The following AFAP1L1 variants were observed in gnomAD, a reference collection of about 807,000 sequenced individuals.
The protein encoded by AFAP1L1 is actin filament associated protein 1 like 1.
Under a neutral mutation model 99.8 loss-of-function variants are expected in AFAP1L1, and 77 were observed. The observed-to-expected ratio is 0.77, with a 90% CI of 0.64 to 0.93. The LOEUF is 0.93. AFAP1L1 is among the 40% of genes least tolerant of loss of function. The pLI is 0.00. For missense variants in AFAP1L1, 893 were observed against 996.8 expected (o/e 0.90, Z 1.40); for synonymous variants, 373 against 395.3 (o/e 0.94, Z 0.67).
At chr5:149,306,523 T>A in intron 6 of AFAP1L1, 119 bp downstream of exon 6, 3 of 896,854 alleles carry the variant, frequency 3.3e-6, no homozygotes, top group East Asian at 5.5e-5. Flanking sequence ...CCATGGTCAC[T>A]AGAGAGGCCC....
At chr5:149,304,492 TC>T (rs1175134862) in intron 5 of AFAP1L1, among the ~76,000 whole-genome samples, 1 of 151,956 alleles carries the variant, frequency 6.6e-6, no homozygotes, top group East Asian at 1.9e-4. Flanking sequence ...TTCCTTCACC[TC>T]CCCAGGGAAC....
chr5:149,332,760 G>A lies in AFAP1L1; in HGVS notation c.2041G>A (p.Glu681Lys). The change falls in exon 17 of 19, where the codon GAG (glutamate) becomes AAG (lysine). Residue 681 changes from glutamate (E) to lysine (K), a missense_variant. By Grantham distance (56) the Glu-to-Lys change is moderately conservative. Transcript: ENST00000296721. ...GGAAGCTCAGTGTCGGGCAAAGGAG[G>A]AGCGCCGGATTGACCTGGAGCTGAA... Reference protein sequence around the residue: ...TLEAQCRAKEERRIDLELKLV... With the variant: ...TLEAQCRAKEKRRIDLELKLV... 1 of 1,613,876 alleles carries A rather than the reference G, an allele frequency of 6.2e-7. No individual in the cohort carries two copies.
At chr5:149,319,179 A>G (rs1401990686) in intron 12 of AFAP1L1, among the ~76,000 whole-genome samples, 1 of 152,228 alleles carries the variant, frequency 6.6e-6, no homozygotes, top group African/African-American at 2.4e-5. Context: ...TGGCAACTAT[A>G]ACACAAGAAA....
chr5:149,302,392 T>G (rs1197979544), intron 4 of AFAP1L1, 26 bp from the exon 5 acceptor site: 31 of 1,543,782 alleles, frequency 2.0e-5, no homozygotes, highest in Non-Finnish European at 2.6e-5. Context: ...TCCGCTCCCC[T>G]AGCCCTCTTT....
intron 15 of AFAP1L1, among the ~76,000 whole-genome samples, chr5:149,328,605 TCGAGAACAGCCTGACCAACATGG>T (rs1231771392): frequency 6.6e-6 from 1 of 152,148 alleles, no homozygotes. Context: ...GGTCAGGAGT[TCGAGAACAGCCTGACCAACATGG>T]CGAAACCCCA....
intron 1 of AFAP1L1, among the ~76,000 whole-genome samples, chr5:149,289,481 CT>C (rs1755787747): frequency 6.6e-6 from 1 of 151,366 alleles, no homozygotes; most frequent in South Asian, 2.1e-4. Flanking sequence ...CTTTGTCATT[CT>C]TTTCCAGCCC....
At chr5:149,281,725 A>G (rs1755524076) in intron 1 of AFAP1L1, among the ~76,000 whole-genome samples, 1 of 151,736 alleles carries the variant, frequency 6.6e-6, no homozygotes, top group Non-Finnish European at 1.5e-5. Flanking sequence ...GTTCTTTACC[A>G]TTGCTCTCTG....
chr5:149,283,769 A>T (rs1228339918), intron 1 of AFAP1L1, among the ~76,000 whole-genome samples: 1 of 152,206 alleles, frequency 6.6e-6, no homozygotes, highest in Non-Finnish European at 1.5e-5. Flanking sequence ...TGCAAAACCA[A>T]GGGGGATTTT....
chr5:149,299,017 C>A (rs986535303), intron 1 of AFAP1L1, among the ~76,000 whole-genome samples: 1 of 152,200 alleles, frequency 6.6e-6, no homozygotes, highest in Non-Finnish European at 1.5e-5. Flanking sequence ...GGCCAAGGCA[C>A]CGGAAACAGA....
intron 1 of AFAP1L1, among the ~76,000 whole-genome samples, chr5:149,282,217 G>A (rs932997972): frequency 6.6e-6 from 1 of 152,198 alleles, no homozygotes; most frequent in African/African-American, 2.4e-5. Flanking sequence ...CCAGTTCTGG[G>A]GAATTGATGG....
At chr5:149,316,098 G>C in intron 10 of AFAP1L1, 53 bp from the exon 11 acceptor site, 1 of 1,595,956 alleles carries the variant, frequency 6.3e-7, no homozygotes, top group Non-Finnish European at 8.6e-7. Flanking sequence ...GGAAGACTAA[G>C]GATGGGTGGG....
intron 1 of AFAP1L1, among the ~76,000 whole-genome samples, chr5:149,289,033 G>A (rs1227800411): frequency 2.6e-5 from 4 of 152,248 alleles, no homozygotes; most frequent in Non-Finnish European, 4.4e-5. Context: ...TAATCCCTAC[G>A]ATTTACCAGC....
chr5:149,300,278 G>T lies in AFAP1L1; in HGVS notation c.153G>T (p.Glu51Asp), dbSNP rs1284390103. 1 of 1,612,424 alleles carries T rather than the reference G, an allele frequency of 6.2e-7. No individual in the cohort carries two copies. The highest frequency in any genetic ancestry group is 8.5e-7 in the Non-Finnish European group (1 of 1,179,214). The stretch of plus-strand genomic sequence containing the variant: ...CCCCCTTCTTCCTCACAGCAAAGGA[G>T]GTCTCCTACCTGTATGTGAACACAG... ...LQSLQPLPAK[E>D]VSYLYVNTAD... The change falls in exon 3 of 19, where the codon GAG becomes GAT. Residue 51 changes from glutamate (E) to aspartate (D), a missense_variant. Physicochemically the swap from Glu to Asp is conservative, Grantham distance 45. Coordinates refer to ENST00000296721, the MANE Select transcript of AFAP1L1 (RefSeq NM_152406.4).
Position 149,293,567 on chromosome 5 carries a change from T to C in AFAP1L1, c.17-5942T>C, listed in dbSNP as rs148348540. Among the ~76,000 whole-genome samples the C allele has an allele frequency of 6.6e-4, 100 of 152,348 alleles. 1 individual carries two copies. Among genetic ancestry groups the C allele is most frequent in the Non-Finnish European group, 1.2e-3 (81 of 68,034 alleles). Reference sequence around the variant, plus strand: ...ATTGTATTCATTGAGTAAATGTTCATTGGACATCTACTGTGTACTGATTGA... The same window carrying C: ...ATTGTATTCATTGAGTAAATGTTCACTGGACATCTACTGTGTACTGATTGA... On this transcript the variant is annotated intron_variant, in intron 1 of 18. Transcript: ENST00000296721.
chr5:149,333,804 G>T (rs1478554025), intron 17 of AFAP1L1, among the ~76,000 whole-genome samples: 1 of 152,142 alleles, frequency 6.6e-6, no homozygotes, highest in African/African-American at 2.4e-5. Context: ...TCCAGAAATT[G>T]CCAGATGTCC....
intron 4 of AFAP1L1, among the ~76,000 whole-genome samples, chr5:149,302,137 G>A (rs1756241335): frequency 1.3e-5 from 2 of 152,210 alleles, no homozygotes; most frequent in South Asian, 4.1e-4. Context: ...AGTAGCTTCT[G>A]GTAATTCTGC....
At position 149,341,159 on chromosome 5, in the gene AFAP1L1, T is replaced by C. The variant is rs1757551079; in HGVS notation, c.*1129T>C. ...AAGATAAAACCACTTAACTCTTAAG[T>C]GCCAGTGCTTAGCTCAAGAGGAAAG... is the stretch of plus-strand genomic sequence containing the variant. On this transcript the variant is annotated 3_prime_UTR_variant, in exon 19 of 19. Transcript: ENST00000296721. 6.6e-6 allele frequency: 1 copy of C among 152,236 alleles called. No individual in the cohort carries two copies. Among genetic ancestry groups the C allele is most frequent in the Admixed American group, 6.5e-5 (1 of 15,286 alleles). The allele number at this position is 152,236 out of a possible 1,614,324, so 9.4% of individuals were successfully genotyped here.
intron 16 of AFAP1L1, among the ~76,000 whole-genome samples, chr5:149,331,068 C>T (rs1757241707): frequency 6.6e-6 from 1 of 151,974 alleles, no homozygotes; most frequent in Non-Finnish European, 1.5e-5. Flanking sequence ...AAGAATGGAA[C>T]TGATTTTTAA....
chr5:149,319,675 G>A lies in AFAP1L1; in HGVS notation c.1573G>A (p.Val525Met), dbSNP rs781010015. 20 of 1,612,506 alleles carry A rather than the reference G, an allele frequency of 1.2e-5. No individual in the cohort carries two copies. Among genetic ancestry groups the A allele is most frequent in the Admixed American group, 6.7e-5 (4 of 60,012 alleles). The change falls in exon 13 of 19, where the codon GTG becomes ATG. Residue 525 changes from valine to methionine, a missense_variant. Coordinates refer to ENST00000296721, the MANE Select transcript of AFAP1L1 (RefSeq NM_152406.4). ...TCCGGAGGCGCTGCACTATGACTAC[G>A]TGGATGTGGAGACCTTAACCAGCAT... ...VTPEALHYDY[V>M]DVETLTSIVS...
Sources: allele counts gnomAD v4.1 joint callset (sites outside exome capture counted in the v4.1 genomes callset), GRCh38; gene constraint gnomAD v4.1.1; transcripts MANE v1.5; gene names NCBI Gene and HGNC (gene_info 2026-07-23, HGNC 2026-07-21).